The following TTF2 variants were observed in gnomAD, a reference collection of about 807,000 sequenced individuals.
The protein encoded by TTF2 is transcription termination factor 2, also known as RNA polymerase II termination factor.
Under a neutral mutation model 142.4 loss-of-function variants are expected in TTF2, and 108 were observed. That is an observed-to-expected ratio of 0.76 (90% CI 0.65 to 0.89). The LOEUF is 0.89. Ranked by LOEUF, TTF2 falls within the 40% of genes least tolerant of loss-of-function variation. The pLI is 0.00. For synonymous variants in TTF2, 483 were observed against 506.2 expected (o/e 0.95, Z 0.61); for missense variants, 1,327 against 1,379.8 (o/e 0.96, Z 0.61).
intron 21 of TTF2, 151 bp from the exon 22 acceptor site, chr1:117,098,677 TTTTGC>T (rs1274254648): frequency 1.1e-5 from 7 of 621,638 alleles, no homozygotes; most frequent in African/African-American, 9.4e-5. Flanking sequence ...GTGTGTTTTG[TTTTGC>T]TTTGCTTTCT....
intron 19 of TTF2, 71 bp from the exon 20 acceptor site, chr1:117,096,078 G>A (rs1649114297): frequency 2.6e-6 from 4 of 1,543,234 alleles, no homozygotes; most frequent in Non-Finnish European, 2.7e-6. Context: ...AATGATGAGG[G>A]CATTAAAGCC....
At chr1:117,096,375 GT>G (rs1316800896) in intron 20 of TTF2, 76 bp downstream of exon 20, 2 of 1,532,354 alleles carry the variant, frequency 1.3e-6, no homozygotes, top group Non-Finnish European at 1.8e-6. Flanking sequence ...TGTTTGGTTG[GT>G]TTTTGTTTTT....
intron 16 of TTF2, 115 bp downstream of exon 16, chr1:117,091,525 T>A: frequency 8.9e-7 from 1 of 1,124,358 alleles, no homozygotes; most frequent in Non-Finnish European, 1.3e-6. Flanking sequence ...TGGCGTTAAC[T>A]AAGACCCTCA....
chr1:117,071,212 T>G (rs991499925), intron 3 of TTF2, among the ~76,000 whole-genome samples: 1 of 152,084 alleles, frequency 6.6e-6, no homozygotes, highest in Non-Finnish European at 1.5e-5. Context: ...TTTCACTCCT[T>G]GTGCCACTGC....
intron 2 of TTF2, among the ~76,000 whole-genome samples, chr1:117,061,783 G>C (rs1655705362): frequency 6.6e-6 from 1 of 152,296 alleles, no homozygotes; most frequent in South Asian, 2.1e-4. Context: ...ACAATTATTT[G>C]ATAAACTTGA....
rs1348671985 is a variant in TTF2 at position 117,060,573 on chromosome 1, G to A, written c.131+16G>A. 1 of 1,586,904 alleles carries A rather than the reference G, an allele frequency of 6.3e-7. No homozygotes were observed. The highest frequency in any genetic ancestry group is 2.2e-5 in the East Asian group (1 of 44,478). On this transcript the variant is annotated intron_variant, in intron 2 of 22. Transcript: ENST00000369466. ...GGGCCACCGAGTAGGTCTGGAGCTG[G>A]GCCCCACTCCCTGTGGCTGCCCGGG...
At chr1:117,094,011 A>C (rs942277179) in intron 18 of TTF2, among the ~76,000 whole-genome samples, 1 of 152,166 alleles carries the variant, frequency 6.6e-6, no homozygotes, top group Non-Finnish European at 1.5e-5. Context: ...CACAATCTCA[A>C]GTTGCCAAGA....
rs1455070880 is a variant in TTF2, at chr1:117,100,314, T to C, written c.3345-1066T>C. Among the ~76,000 whole-genome samples the C allele has an allele frequency of 6.6e-6, 1 of 152,224 alleles. No homozygotes were observed. Among genetic ancestry groups the C allele is most frequent in the African/African-American group, 2.4e-5 (1 of 41,454 alleles). Reference sequence around the variant, plus strand: ...TTCCACTTACCAAGTCCTTTAGTTATATTTTCTAAATGTTTCTGATAACCA... The same window carrying C: ...TTCCACTTACCAAGTCCTTTAGTTACATTTTCTAAATGTTTCTGATAACCA... On this transcript the variant is annotated intron_variant, in intron 22 of 22. Coordinates refer to ENST00000369466, the MANE Select transcript of TTF2 (RefSeq NM_003594.4). The surrounding 1 kb of genome is among the most constrained non-coding windows in gnomAD (Gnocchi z 4.6).
chr1:117,072,529 A>G (rs1231112325), intron 3 of TTF2, among the ~76,000 whole-genome samples: 1 of 147,074 alleles, frequency 6.8e-6, no homozygotes, highest in Non-Finnish European at 1.5e-5. Context: ...GGTTCAAGCG[A>G]TTCTCCTGCC....
rs1286195260 is a variant in TTF2, at chr1:117,101,387, T to A, written c.3352T>A (p.Cys1118Ser). The change falls in exon 23 of 23, where the codon TGT (cysteine) becomes AGT (serine). Residue 1118 changes from cysteine to serine, a missense_variant. By Grantham distance (112) the Cys-to-Ser change is moderately radical. Coordinates refer to ENST00000369466, the MANE Select transcript of TTF2 (RefSeq NM_003594.4). This position sits in a 1 kb window ranked among gnomAD's most constrained non-coding sequence, Gnocchi z 5.9. ...QKDVVIHRFV[C>S]EGTVEEKILQ... ...TTTGTTTTTGTTTTTTAGATTTGTT[T>A]GTGAGGGAACAGTAGAAGAAAAGAT... is the stretch of plus-strand genomic sequence containing the variant. 3 of 1,581,898 alleles carry A rather than the reference T, an allele frequency of 1.9e-6. No homozygotes were observed. Among genetic ancestry groups the A allele is most frequent in the Non-Finnish European group, 2.6e-6 (3 of 1,171,842 alleles).
chr1:117,099,449 A>G lies in TTF2; in HGVS notation c.3344+542A>G, dbSNP rs999850172. Among the ~76,000 whole-genome samples the G allele has an allele frequency of 3.9e-5, 6 of 152,124 alleles. No homozygotes were observed. Among genetic ancestry groups the G allele is most frequent in the African/African-American group, 1.2e-4 (5 of 41,422 alleles). On this transcript the variant is annotated intron_variant, in intron 22 of 22. Transcript: ENST00000369466. This position sits in a 1 kb window ranked among gnomAD's most constrained non-coding sequence, Gnocchi z 4.3. ...ATTATCTGATCTACAGATCTTTTCAATCTCACTTGTCTCAGTGATGTCCTT... is the reference window on the plus strand; with the variant it reads ...ATTATCTGATCTACAGATCTTTTCAGTCTCACTTGTCTCAGTGATGTCCTT...
intron 3 of TTF2, among the ~76,000 whole-genome samples, chr1:117,065,022 T>G: frequency 6.6e-6 from 1 of 152,228 alleles, no homozygotes; most frequent in Non-Finnish European, 1.5e-5. Context: ...AAAAATTCAA[T>G]TGATCCAATA....
At chr1:117,088,135 T>TAAATTTAGTA (rs1648196378) in intron 12 of TTF2, among the ~76,000 whole-genome samples, 1 of 152,260 alleles carries the variant, frequency 6.6e-6, no homozygotes, top group Admixed American at 6.5e-5. Flanking sequence ...AAATTGTTAG[T>TAAATTTAGTA]AAATTTAGTA....
Position 117,086,600 on chromosome 1 carries a change from T to A in TTF2, c.2160+78T>A. On this transcript the variant is annotated intron_variant, in intron 12 of 22. Coordinates refer to ENST00000369466, the MANE Select transcript of TTF2 (RefSeq NM_003594.4). The surrounding 1 kb of genome is among the most constrained non-coding windows in gnomAD (Gnocchi z 4.2). The stretch of plus-strand genomic sequence containing the variant: ...TGGGAGTCTTTCTCAGCCTCCACGA[T>A]AGCAAGAGGACCTCCCTGGAGGTCA... 1 of 1,018,772 alleles carries A rather than the reference T, an allele frequency of 9.8e-7. No individual in the cohort carries two copies. The highest frequency in any genetic ancestry group is 1.3e-5 in the South Asian group (1 of 74,208). 63.1% of individuals were successfully genotyped at this position (1,018,772 alleles called of 1,614,324 possible).
intron 7 of TTF2, 31 bp from the exon 8 acceptor site, chr1:117,077,885 C>T: frequency 2.5e-6 from 4 of 1,612,220 alleles, no homozygotes; most frequent in Non-Finnish European, 3.4e-6. Flanking sequence ...ATACTTGTGA[C>T]ATCTTTTAGG....
Position 117,076,049 on chromosome 1 carries a change from G to C in TTF2, c.1276-131G>C, listed in dbSNP as rs886120321. The C allele has an allele frequency of 3.9e-6, 5 of 1,298,388 alleles. No homozygotes were observed. The highest frequency in any genetic ancestry group is 5.5e-5 in the Admixed American group (2 of 36,550). The allele number at this position is 1,298,388 out of a possible 1,614,324, so 80.4% of individuals were successfully genotyped here. On this transcript the variant is annotated intron_variant, in intron 5 of 22. Transcript: ENST00000369466. The surrounding 1 kb of genome is among the most constrained non-coding windows in gnomAD (Gnocchi z 4.6). ...GCCAGCTGGGTTAAAATTTAAAAAA[G>C]GTTCTGGTTTTTGCACACATATTTA...
Position 117,092,701 on chromosome 1 carries a change from A to G in TTF2, c.2806-30A>G. On this transcript the variant is annotated intron_variant, in intron 17 of 22. Coordinates refer to ENST00000369466, the MANE Select transcript of TTF2 (RefSeq NM_003594.4). This position sits in a 1 kb window ranked among gnomAD's most constrained non-coding sequence, Gnocchi z 4.4. ...AACAAGGTTTGCTCCCTTGACTCCCAGCTGCTCCTGTCCTTTTTTGTCTGT... is the reference window on the plus strand; with the variant it reads ...AACAAGGTTTGCTCCCTTGACTCCCGGCTGCTCCTGTCCTTTTTTGTCTGT... 2 of 1,601,402 alleles carry G rather than the reference A, an allele frequency of 1.2e-6. No individual in the cohort carries two copies. Among genetic ancestry groups the G allele is most frequent in the African/African-American group, 2.7e-5 (2 of 74,550 alleles).
Position 117,090,657 on chromosome 1 carries a change from A to G in TTF2, c.2588+34A>G, listed in dbSNP as rs1648488226. On this transcript the variant is annotated intron_variant, in intron 15 of 22. Coordinates refer to ENST00000369466, the MANE Select transcript of TTF2 (RefSeq NM_003594.4). This position sits in a 1 kb window ranked among gnomAD's most constrained non-coding sequence, Gnocchi z 4.8. ...ATTAAAGAAGCACCTTCTCACACAC[A>G]TTGTTTTATTCCTGTCTTTTCTTGG... is the stretch of plus-strand genomic sequence containing the variant. The G allele has an allele frequency of 1.9e-6, 3 of 1,550,398 alleles. No individual in the cohort carries two copies. The highest frequency in any genetic ancestry group is 1.7e-5 in the Admixed American group (1 of 58,366).
At position 117,093,539 on chromosome 1, in the gene TTF2, C is replaced by T. The variant is rs1387607238; in HGVS notation, c.2976+638C>T. Among the ~76,000 whole-genome samples, 1 of 152,150 alleles carries T rather than the reference C, an allele frequency of 6.6e-6. No individual in the cohort carries two copies. The highest frequency in any genetic ancestry group is 2.4e-5 in the African/African-American group (1 of 41,422). On this transcript the variant is annotated intron_variant, in intron 18 of 22. Coordinates refer to ENST00000369466, the MANE Select transcript of TTF2 (RefSeq NM_003594.4). The surrounding 1 kb of genome is among the most constrained non-coding windows in gnomAD (Gnocchi z 4.5). ...AGCATCTCAAGCTGCCGTTCTTGGG[C>T]TCAACCTCTCTTCAAAGGCTTTTTT... is the stretch of plus-strand genomic sequence containing the variant.
Sources: gnomAD v4.1 joint callset for allele counts (sites outside exome capture counted in the v4.1 genomes callset) on GRCh38, gnomAD v4.1.1 for gene constraint, Gnocchi (gnomAD v3.1) non-coding constraint, MANE v1.5 for transcripts, NCBI Gene and HGNC (gene_info 2026-07-23, HGNC 2026-07-21) for gene names.